CUX2: variants seen among roughly 807,000 people sequenced by gnomAD.
The protein encoded by CUX2 is homeobox protein cut-like 2.
CUX2 carries 40 observed loss-of-function variants against 144.8 expected under a neutral mutation model. The ratio of observed to expected loss-of-function variants is 0.28; its 90% CI spans 0.21 to 0.36. The LOEUF (loss-of-function observed/expected upper bound fraction) is 0.36. Ranked by LOEUF, CUX2 falls within the 10% of genes least tolerant of loss-of-function variation. CUX2 has a pLI of 1.00. For synonymous variants in CUX2, 827 were observed against 875.6 expected, an observed-to-expected ratio of 0.94 and a Z score of 0.98; for missense variants, 1,615 against 1,994.0, an observed-to-expected ratio of 0.81 and a Z score of 3.62.
chr12:111,214,072 T>G (rs73197969), intron 1 of CUX2, 128 bp from the exon 2 acceptor site: 41,095 of 463,212 alleles, frequency 0.089, 2,150 homozygotes, highest in Middle Eastern at 0.17. Flanking sequence ...ATCCTGTCTT[T>G]TCTCAGCTTT....
chr12:111,208,847 A>G (rs1881056097), intron 1 of CUX2, among the ~76,000 whole-genome samples: 1 of 152,232 alleles, frequency 6.6e-6, no homozygotes, highest in South Asian at 2.1e-4. Flanking sequence ...CTAACCTTTT[A>G]TAACAAACAC....
intron 1 of CUX2, among the ~76,000 whole-genome samples, chr12:111,091,731 G>T (rs1057272309): frequency 1.3e-5 from 2 of 152,214 alleles, no homozygotes; most frequent in African/African-American, 2.4e-5. Context: ...GCAGGGCTGT[G>T]CTCCCTCTCC....
chr12:111,045,817 C>T (rs1869971509), intron 1 of CUX2, among the ~76,000 whole-genome samples: 1 of 152,206 alleles, frequency 6.6e-6, no homozygotes, highest in South Asian at 2.1e-4. Context: ...AACACAGCCC[C>T]TACCTCATAG....
At chr12:111,081,390 A>G (rs1042017097) in intron 1 of CUX2, among the ~76,000 whole-genome samples, 3 of 152,146 alleles carry the variant, frequency 2.0e-5, no homozygotes, top group Admixed American at 6.5e-5. Flanking sequence ...ACATTGCTCT[A>G]TGGATGAAAG....
intron 1 of CUX2, among the ~76,000 whole-genome samples, chr12:111,195,108 G>C (rs932506543): frequency 3.9e-5 from 6 of 152,236 alleles, no homozygotes; most frequent in African/African-American, 1.4e-4. Context: ...AGCACCTGCA[G>C]TCACTGGTCC....
At position 111,316,214 on chromosome 12, in the gene CUX2, T is replaced by C. The variant is rs575970502; in HGVS notation, c.2003-3798T>C. Among the ~76,000 whole-genome samples, 62 of 150,520 alleles carry C rather than the reference T, an allele frequency of 4.1e-4. No individual in the cohort carries two copies. In the South Asian group the frequency reaches 7.6e-3, roughly 18 times the overall value. ...TGGAGTGCAGTGGCGCAATCTCGGC[T>C]CACCACAACCTCCGCCTCCTGGGTT... On this transcript the variant is annotated intron_variant, in intron 16 of 21. Coordinates refer to ENST00000261726, the MANE Select transcript of CUX2 (RefSeq NM_015267.4).
rs1429526680 is a variant in CUX2, at chr12:111,061,152, CTGTCCCCAGA to C, written c.63+26916_63+26925del. ...ATCAGTGAGTCTCTGCAGGCCCAAG[CTGTCCCCAGA>C]TGTGTGCATGCATATGCACACACAC... On this transcript the variant is annotated intron_variant, in intron 1 of 21. Coordinates refer to ENST00000261726, the MANE Select transcript of CUX2 (RefSeq NM_015267.4). This position sits in a 1 kb window ranked among gnomAD's most constrained non-coding sequence, Gnocchi z 4.2. Among the ~76,000 whole-genome samples the C allele has an allele frequency of 4.6e-5, 7 of 150,672 alleles. No individual in the cohort carries two copies. Among genetic ancestry groups the C allele is most frequent in the African/African-American group, 1.7e-4 (7 of 40,768 alleles).
At chr12:111,167,357 C>T (rs534055585) in intron 1 of CUX2, among the ~76,000 whole-genome samples, 52 of 152,252 alleles carry the variant, frequency 3.4e-4, no homozygotes, top group African/African-American at 1.2e-3. Context: ...CCCTGCCTCT[C>T]GGTTCTGTAG....
At chr12:111,189,136 G>A (rs1463521996) in intron 1 of CUX2, among the ~76,000 whole-genome samples, 2 of 152,114 alleles carry the variant, frequency 1.3e-5, no homozygotes, top group South Asian at 2.1e-4. Context: ...GCCAAGTGTG[G>A]TGGTGTGCGC....
At chr12:111,284,889 C>T (rs983163494) in intron 4 of CUX2, among the ~76,000 whole-genome samples, 8 of 152,138 alleles carry the variant, frequency 5.3e-5, no homozygotes, top group Admixed American at 2.0e-4. Context: ...CAAGACAAAC[C>T]TTAGAGCCTG....
At chr12:111,313,106 G>A (rs1269360758) in intron 16 of CUX2, among the ~76,000 whole-genome samples, 1 of 152,122 alleles carries the variant, frequency 6.6e-6, no homozygotes, top group Non-Finnish European at 1.5e-5. Context: ...CTGTCACCCA[G>A]GCTGGAGTGC....
At chr12:111,214,332 A>C (rs769911357) in intron 2 of CUX2, 22 bp downstream of exon 2, 3 of 1,384,234 alleles carry the variant, frequency 2.2e-6, no homozygotes, top group Non-Finnish European at 3.1e-6. Flanking sequence ...TTGCCGTTAT[A>C]GAATTAACTC....
chr12:111,297,202 A>C (rs1404942018), intron 8 of CUX2, among the ~76,000 whole-genome samples: 1 of 126,890 alleles, frequency 7.9e-6, no homozygotes, highest in African/African-American at 3.0e-5. Flanking sequence ...CCTCCCAAAC[A>C]CGCCTCCTCC....
chr12:111,271,055 C>T (rs908340642), intron 4 of CUX2, among the ~76,000 whole-genome samples: 1 of 152,210 alleles, frequency 6.6e-6, no homozygotes, highest in African/African-American at 2.4e-5. Context: ...GAGTAATCAG[C>T]AGCCCATTGA....
intron 3 of CUX2, among the ~76,000 whole-genome samples, chr12:111,226,048 A>G (rs1200508544): frequency 1.3e-5 from 2 of 152,212 alleles, no homozygotes; most frequent in Non-Finnish European, 2.9e-5. Flanking sequence ...GGTTCAAGCA[A>G]TTCTGGTGCC....
intron 1 of CUX2, among the ~76,000 whole-genome samples, chr12:111,131,856 C>G (rs971858531): frequency 6.6e-6 from 1 of 152,148 alleles, no homozygotes; most frequent in Non-Finnish European, 1.5e-5. Flanking sequence ...TCAGACACTC[C>G]CACGGGCTGG....
At chr12:111,184,954 C>T (rs902373136) in intron 1 of CUX2, among the ~76,000 whole-genome samples, 5 of 151,384 alleles carry the variant, frequency 3.3e-5, no homozygotes, top group Admixed American at 6.6e-5. Flanking sequence ...CCCAGCTACT[C>T]GGGAGGCTGA....
intron 18 of CUX2, among the ~76,000 whole-genome samples, chr12:111,323,150 G>C (rs759666971): frequency 1.3e-5 from 2 of 152,210 alleles, no homozygotes; most frequent in Non-Finnish European, 2.9e-5. Context: ...AAGTCTGCCA[G>C]GGCCCTGGTG....
At chr12:111,081,285 T>G (rs1218780114) in intron 1 of CUX2, among the ~76,000 whole-genome samples, 13 of 152,208 alleles carry the variant, frequency 8.5e-5, no homozygotes, top group Admixed American at 2.6e-4. Flanking sequence ...AAAGTTCATT[T>G]TATTTTGTTT....
Sources: allele counts gnomAD v4.1 joint callset (sites outside exome capture counted in the v4.1 genomes callset), GRCh38; gene constraint gnomAD v4.1.1; non-coding constraint Gnocchi (gnomAD v3.1); transcripts MANE v1.5; gene names NCBI Gene and HGNC (gene_info 2026-07-23, HGNC 2026-07-21).